SHANK2: variants seen among roughly 807,000 people sequenced by gnomAD.
The protein encoded by SHANK2 is SH3 and multiple ankyrin repeat domains protein 2.
SHANK2 carries 43 observed loss-of-function variants against 133.7 expected under a neutral mutation model. The observed-to-expected ratio is 0.32, with a 90% CI of 0.25 to 0.41. SHANK2 has a LOEUF of 0.41. Among genes scored for constraint, SHANK2 ranks in the 10% least tolerant of loss-of-function variants. The pLI is 1.00. For synonymous variants in SHANK2, 1,017 were observed against 952.8 expected (o/e 1.07, Z -1.24); for missense variants, 1,994 against 2,235.8 (o/e 0.89, Z 2.18).
At chr11:71,133,642 TA>T (rs1952379361) in intron 3 of SHANK2, among the ~76,000 whole-genome samples, 1 of 151,922 alleles carries the variant, frequency 6.6e-6, no homozygotes, top group Non-Finnish European at 1.5e-5. Flanking sequence ...AGGGGTGGTC[TA>T]GGGGGCCTCC....
intron 17 of SHANK2, among the ~76,000 whole-genome samples, chr11:70,570,243 C>T (rs1023255555): frequency 6.6e-6 from 1 of 152,224 alleles, no homozygotes; most frequent in African/African-American, 2.4e-5. Flanking sequence ...AAGCCCTTCC[C>T]TCTTTTAGAT....
intron 11 of SHANK2, among the ~76,000 whole-genome samples, chr11:70,890,193 A>G (rs1949817551): frequency 6.6e-6 from 1 of 152,170 alleles, no homozygotes; most frequent in African/African-American, 2.4e-5. Context: ...GGGTCTGTGA[A>G]AAAGGTGCTC....
chr11:70,538,127 C>G (rs960508579), intron 17 of SHANK2, among the ~76,000 whole-genome samples: 1 of 152,210 alleles, frequency 6.6e-6, no homozygotes, highest in Non-Finnish European at 1.5e-5. Flanking sequence ...AGTGGGGATT[C>G]AGGCGGTCAC....
intron 11 of SHANK2, among the ~76,000 whole-genome samples, chr11:70,849,601 G>C (rs188328927): frequency 6.6e-6 from 1 of 152,256 alleles, no homozygotes. Context: ...CACTGTGTGA[G>C]AACATAACAC....
At chr11:70,779,660 G>A (rs1000133166) in intron 14 of SHANK2, among the ~76,000 whole-genome samples, 1 of 152,146 alleles carries the variant, frequency 6.6e-6, no homozygotes, top group Non-Finnish European at 1.5e-5. Flanking sequence ...ACATCCTTGG[G>A]AGGGCATTCC....
intron 14 of SHANK2, among the ~76,000 whole-genome samples, chr11:70,719,244 G>C (rs991845637): frequency 6.6e-6 from 1 of 152,230 alleles, no homozygotes; most frequent in Admixed American, 6.5e-5. Context: ...TAGACACTTT[G>C]TAACAGTTCA....
chr11:70,521,984 C>T (rs538669119), intron 17 of SHANK2, among the ~76,000 whole-genome samples: 101 of 152,326 alleles, frequency 6.6e-4, no homozygotes, highest in South Asian at 2.9e-3. Context: ...TCTAATTTTC[C>T]GAGTGCACCT....
intron 9 of SHANK2, among the ~76,000 whole-genome samples, chr11:71,061,188 T>C (rs1056493855): frequency 1.3e-5 from 2 of 152,268 alleles, no homozygotes; most frequent in Non-Finnish European, 2.9e-5. Flanking sequence ...ATCCTGCACA[T>C]CTAATTTTGT....
intron 11 of SHANK2, chr11:70,865,164 CCTT>C (rs1481088711): frequency 6.6e-6 from 1 of 152,122 alleles, no homozygotes; most frequent in Non-Finnish European, 1.5e-5. Context: ...CGGGCTAAGA[CCTT>C]CCTCCTTGGA....
chr11:70,870,250 A>G (rs377209256), intron 11 of SHANK2, among the ~76,000 whole-genome samples: 3 of 152,166 alleles, frequency 2.0e-5, no homozygotes, highest in East Asian at 3.9e-4. Context: ...ACCCGGGGTG[A>G]GACCCAGAGC....
chr11:70,871,021 A>G (rs1406029747), intron 11 of SHANK2, among the ~76,000 whole-genome samples: 1 of 152,118 alleles, frequency 6.6e-6, no homozygotes, highest in African/African-American at 2.4e-5. Context: ...CAGGTGATCC[A>G]TCCGCCTCAG....
At chr11:70,824,529 C>T (rs1299928125) in intron 11 of SHANK2, among the ~76,000 whole-genome samples, 1 of 152,182 alleles carries the variant, frequency 6.6e-6, no homozygotes, top group African/African-American at 2.4e-5. Context: ...ACGGAAAAAG[C>T]TGACGGCACT....
At chr11:71,075,659 C>T (rs1260383800) in intron 8 of SHANK2, among the ~76,000 whole-genome samples, 1 of 152,188 alleles carries the variant, frequency 6.6e-6, no homozygotes, top group Non-Finnish European at 1.5e-5. Flanking sequence ...AGGCTCAGAC[C>T]CGGCTTCAGT....
At chr11:71,129,345 G>A (rs1952252548) in intron 3 of SHANK2, among the ~76,000 whole-genome samples, 1 of 152,232 alleles carries the variant, frequency 6.6e-6, no homozygotes, top group African/African-American at 2.4e-5. Flanking sequence ...AGAGCTGTAA[G>A]TTACAGAGCT....
In SHANK2 at chr11:71,113,345, A is replaced by G. The variant is rs782270817; in HGVS notation, c.431T>C (p.Val144Ala). The change falls in exon 5 of 26, where the codon GTG (valine) becomes GCG (alanine). Residue 144 changes from valine to alanine, a missense_variant. Val to Ala is a moderately conservative substitution (Grantham distance 64, BLOSUM62 0). Transcript: ENST00000601538. ...CTCATCGAGACTGGCTTGTTTATACACCCGCTTCTTGTATCGAAACTGGCA... is the reference window on the plus strand; with the variant it reads ...CTCATCGAGACTGGCTTGTTTATACGCCCGCTTCTTGTATCGAAACTGGCA... ...PSLEFRYKKRVYKQASLDEKQ... is the reference protein window; with the variant it reads ...PSLEFRYKKRAYKQASLDEKQ... 23 of 1,551,684 alleles carry G rather than the reference A, an allele frequency of 1.5e-5. No homozygotes were observed. In the East Asian group the frequency reaches 4.6e-4, roughly 31 times the overall value.
chr11:70,489,667 C>A, intron 23 of SHANK2: 1 of 448,260 alleles, frequency 2.2e-6, no homozygotes, highest in Non-Finnish European at 4.1e-6. Flanking sequence ...ACAGTAAAGG[C>A]AATGCTGAAT....
chr11:70,527,266 C>A (rs1449752965), intron 17 of SHANK2, among the ~76,000 whole-genome samples: 1 of 152,182 alleles, frequency 6.6e-6, no homozygotes, highest in East Asian at 1.9e-4. Flanking sequence ...GTTAAAGCCT[C>A]CTGGGGAGGG....
intron 2 of SHANK2, among the ~76,000 whole-genome samples, chr11:71,221,813 C>T (rs1187573733): frequency 6.6e-6 from 1 of 152,132 alleles, no homozygotes; most frequent in Non-Finnish European, 1.5e-5. Flanking sequence ...CTGCAGGTGC[C>T]TAGGCGCTGG....
chr11:71,251,537 T>C (rs1948179575), intron 1 of SHANK2, among the ~76,000 whole-genome samples: 1 of 151,162 alleles, frequency 6.6e-6, no homozygotes, highest in Non-Finnish European at 1.5e-5. Context: ...GGCCGCGGGC[T>C]GGGCGGGCGG....
Sources: gnomAD v4.1 joint callset for allele counts (sites outside exome capture counted in the v4.1 genomes callset) on GRCh38, gnomAD v4.1.1 for gene constraint, MANE v1.5 for transcripts, NCBI Gene and HGNC (gene_info 2026-07-23, HGNC 2026-07-21) for gene names.